Variants in LONP2 observed in about 807,000 individuals in gnomAD.
The protein encoded by LONP2 is lon peptidase 2, peroxisomal.
LONP2 carries 60 observed loss-of-function variants against 85.6 expected under a neutral mutation model. The observed-to-expected ratio is 0.70, with a 90% CI of 0.57 to 0.87. The LOEUF is 0.87. Ranked by LOEUF, LONP2 falls within the 40% of genes least tolerant of loss-of-function variation. The probability of loss-of-function intolerance (pLI) is 0.00; values close to 1 mark genes in which losing one functional copy is unlikely to be tolerated. For synonymous variants in LONP2, 395 were observed against 389.7 expected (o/e 1.01, Z -0.16); for missense variants, 860 against 1,063.5 (o/e 0.81, Z 2.66).
chr16:48,282,921 GA>G (rs1972360991), intron 8 of LONP2, among the ~76,000 whole-genome samples: 1 of 152,198 alleles, frequency 6.6e-6, no homozygotes, highest in Non-Finnish European at 1.5e-5. Flanking sequence ...GAGTTCAGAG[GA>G]AAAATTCTCA....
At chr16:48,318,820 C>T (rs1178862339) in intron 11 of LONP2, among the ~76,000 whole-genome samples, 1 of 152,188 alleles carries the variant, frequency 6.6e-6, no homozygotes, top group Non-Finnish European at 1.5e-5. Context: ...AATCAGCCTT[C>T]TGTTGGGCTG....
At chr16:48,347,436 T>C in intron 12 of LONP2, 71 bp from the exon 13 acceptor site, 1 of 1,479,214 alleles carries the variant, frequency 6.8e-7, no homozygotes, top group East Asian at 2.3e-5. Flanking sequence ...AGCCGACTCT[T>C]GCAGGATTGT....
chr16:48,280,783 TA>T (rs1972310165), intron 8 of LONP2, among the ~76,000 whole-genome samples: 1 of 152,170 alleles, frequency 6.6e-6, no homozygotes, highest in African/African-American at 2.4e-5. Flanking sequence ...AAGTCCTGGG[TA>T]AAAACCTCAG....
At chr16:48,358,358 G>A (rs1189560486), downstream of LONP2, among the ~76,000 whole-genome samples, 2 of 152,168 alleles carry the variant, frequency 1.3e-5, no homozygotes, top group East Asian at 1.9e-4. Flanking sequence ...ATACAGGTAT[G>A]TTCATGGTTT....
chr16:48,348,320 ATT>A (rs1480641704), intron 14 of LONP2, 30 bp downstream of exon 14: 1 of 1,315,218 alleles, frequency 7.6e-7, no homozygotes, highest in African/African-American at 1.5e-5. Flanking sequence ...TTATATGGTT[ATT>A]TTTTATTTAA....
chr16:48,323,924 CA>C (rs1294383690), intron 11 of LONP2, among the ~76,000 whole-genome samples: 1 of 152,166 alleles, frequency 6.6e-6, no homozygotes, highest in Non-Finnish European at 1.5e-5. Context: ...AAATAAAAAA[CA>C]TTGAAAATAT....
intron 12 of LONP2, among the ~76,000 whole-genome samples, chr16:48,341,572 C>T (rs1370975010): frequency 6.6e-6 from 1 of 152,140 alleles, no homozygotes. Context: ...CACCTCCCAC[C>T]AGGCCCCACC....
intron 8 of LONP2, among the ~76,000 whole-genome samples, chr16:48,286,212 G>A (rs577222699): frequency 1.3e-5 from 2 of 150,918 alleles, no homozygotes; most frequent in East Asian, 3.9e-4. Context: ...CGGGATCTTG[G>A]CTCACTGCAA....
chr16:48,359,254 G>A (rs1057030509), downstream of LONP2, among the ~76,000 whole-genome samples: 1 of 152,144 alleles, frequency 6.6e-6, no homozygotes, highest in Non-Finnish European at 1.5e-5. Flanking sequence ...ATGAGCCACA[G>A]CGTCCAGCCA....
intron 8 of LONP2, among the ~76,000 whole-genome samples, chr16:48,288,150 CTT>C (rs1170612024): frequency 7.4e-5 from 9 of 121,532 alleles, no homozygotes; most frequent in Non-Finnish European, 1.0e-4. Context: ...TAGTCTTCTT[CTT>C]TTTTTTTTTT....
At chr16:48,313,048 C>T (rs1973068081) in intron 11 of LONP2, among the ~76,000 whole-genome samples, 1 of 152,146 alleles carries the variant, frequency 6.6e-6, no homozygotes, top group Non-Finnish European at 1.5e-5. Flanking sequence ...ATTACTTTAT[C>T]TTAGATAATC....
chr16:48,353,918 A>G lies in LONP2; in HGVS notation c.*2116A>G, dbSNP rs1157646585. On this transcript the variant is annotated 3_prime_UTR_variant, in exon 15 of 15. Coordinates refer to ENST00000285737, the MANE Select transcript of LONP2 (RefSeq NM_031490.5). ...CATATCTTTCGAAAGGCATCCATTG[A>G]GAGAATAATGCATTCTCCCCTTGCT... 1 of 151,964 alleles carries G rather than the reference A, an allele frequency of 6.6e-6. No individual in the cohort carries two copies. The highest frequency in any genetic ancestry group is 2.4e-5 in the African/African-American group (1 of 41,362). 9.4% of individuals were successfully genotyped at this position (151,964 alleles called of 1,614,324 possible). A position where few individuals can be genotyped will look rare whatever the true frequency, so the allele number is the denominator to read the frequency against.
At chr16:48,321,817 C>G (rs142074150) in intron 11 of LONP2, among the ~76,000 whole-genome samples, 22 of 152,254 alleles carry the variant, frequency 1.4e-4, no homozygotes, top group Non-Finnish European at 2.6e-4. Flanking sequence ...AGTTGCAGGA[C>G]TGGAAGTAGC....
chr16:48,287,849 T>A (rs1972479402), intron 8 of LONP2, among the ~76,000 whole-genome samples: 1 of 152,252 alleles, frequency 6.6e-6, no homozygotes, highest in Admixed American at 6.5e-5. Context: ...TTTTTGCTAG[T>A]GCTCTCATTG....
chr16:48,301,174 T>G (rs1284288157), intron 10 of LONP2, among the ~76,000 whole-genome samples: 3 of 152,150 alleles, frequency 2.0e-5, no homozygotes, highest in Non-Finnish European at 4.4e-5. Flanking sequence ...ATATTTGAGT[T>G]TTTCATCTTT....
In LONP2 at chr16:48,299,692, C is replaced by T; in HGVS notation, c.1565C>T (p.Ala522Val). Residue 522 changes from alanine (A) to valine (V), a missense_variant, in exon 10 of 15, where the codon GCC becomes GTC. By Grantham distance (64) the Ala-to-Val change is moderately conservative. Around this residue, in one of 3 missense-constraint regions of LONP2, gnomAD observed 743 missense variants for 917.3 expected, o/e 0.81. Coordinates refer to ENST00000285737, the MANE Select transcript of LONP2 (RefSeq NM_031490.5). ...ACACAGGAGGAGAAGATAGAGATTG[C>T]CCATAGGCACTTGATCCCCAAGCAG... ...GYTQEEKIEI[A>V]HRHLIPKQLE... 6.2e-7 allele frequency: 1 copy of T among 1,613,768 alleles called. No individual in the cohort carries two copies. The highest frequency in any genetic ancestry group is 8.5e-7 in the Non-Finnish European group (1 of 1,179,838).
chr16:48,341,042 C>CTACG (rs1959793305), intron 12 of LONP2, among the ~76,000 whole-genome samples: 1 of 151,844 alleles, frequency 6.6e-6, no homozygotes, highest in Admixed American at 6.6e-5. Context: ...TGGCTCACAC[C>CTACG]TGTAATCCCA....
chr16:48,299,442 C>T (rs548491133), intron 9 of LONP2, among the ~76,000 whole-genome samples: 6 of 151,688 alleles, frequency 4.0e-5, no homozygotes, highest in Non-Finnish European at 8.8e-5. Flanking sequence ...AATCAGCCAG[C>T]GTGGTTGTGC....
At chr16:48,336,810 G>C (rs890549410) in intron 12 of LONP2, among the ~76,000 whole-genome samples, 2 of 152,196 alleles carry the variant, frequency 1.3e-5, no homozygotes, top group Non-Finnish European at 2.9e-5. Context: ...ATACATGCAG[G>C]TCACAGGGGA....
Sources: gnomAD v4.1 joint callset for allele counts (sites outside exome capture counted in the v4.1 genomes callset) on GRCh38, gnomAD v4.1.1 for gene constraint, gnomAD v4.1.1 regional missense constraint, MANE v1.5 for transcripts, NCBI Gene and HGNC (gene_info 2026-07-23, HGNC 2026-07-21) for gene names.